The following NRXN3 variants were observed in gnomAD, a reference collection of about 807,000 sequenced individuals.
NRXN3 encodes neurexin III.
Under a neutral mutation model 137.6 loss-of-function variants are expected in NRXN3, and 32 were observed. That is an observed-to-expected ratio of 0.23 (90% CI 0.18 to 0.31). The LOEUF is 0.31. Ranked by LOEUF, NRXN3 falls within the 10% of genes least tolerant of loss-of-function variation. NRXN3 has a pLI of 1.00. For missense variants in NRXN3, 1,574 were observed against 2,062.5 expected (o/e 0.76, Z 4.59); for synonymous variants, 798 against 784.5 (o/e 1.02, Z -0.29).
intron 15 of NRXN3, among the ~76,000 whole-genome samples, chr14:79,257,443 T>TGGTGGTGGTG (rs2076822734): frequency 3.7e-5 from 1 of 26,928 alleles, no homozygotes; most frequent in Admixed American, 4.7e-4. Flanking sequence ...GTGGTGGTGG[T>TGGTGGTGGTG]AGTGATGGTG....
At chr14:78,935,711 T>A (rs1390429474) in intron 10 of NRXN3, among the ~76,000 whole-genome samples, 1 of 152,122 alleles carries the variant, frequency 6.6e-6, no homozygotes, top group Non-Finnish European at 1.5e-5. Flanking sequence ...TATCCCACCA[T>A]CTCATACTCA....
chr14:78,968,356 A>AT lies in NRXN3; in HGVS notation c.3142+17dup, dbSNP rs777275897. The AT allele has an allele frequency of 2.4e-5, 39 of 1,609,526 alleles. No individual in the cohort carries two copies. The highest frequency in any genetic ancestry group is 3.1e-5 in the Non-Finnish European group (37 of 1,177,186). On this transcript the variant is annotated intron_variant, in intron 14 of 20. Coordinates refer to ENST00000335750, the MANE Select transcript of NRXN3 (RefSeq NM_001330195.2). ...GAGCGTGGCTGTGAAGGTACAACCTATTTTTTTCTTGTTAAGCTACAGCCT... is the reference window on the plus strand; with the variant it reads ...GAGCGTGGCTGTGAAGGTACAACCTATTTTTTTTCTTGTTAAGCTACAGCCT...
At chr14:78,966,003 A>G (rs2099416765) in intron 11 of NRXN3, 22 bp from the exon 12 acceptor site, 2 of 1,605,146 alleles carry the variant, frequency 1.2e-6, no homozygotes, top group African/African-American at 2.7e-5. Flanking sequence ...TTCTGTTTGT[A>G]CCTCATTTAC....
At chr14:79,009,977 C>T (rs1329726668) in intron 15 of NRXN3, among the ~76,000 whole-genome samples, 2 of 152,144 alleles carry the variant, frequency 1.3e-5, no homozygotes, top group Non-Finnish European at 2.9e-5. Context: ...GCTTTTCTTC[C>T]TCTAATTCAA....
At chr14:79,715,046 C>T (rs937429231) in intron 19 of NRXN3, among the ~76,000 whole-genome samples, 11 of 152,116 alleles carry the variant, frequency 7.2e-5, no homozygotes, top group East Asian at 1.9e-4. Flanking sequence ...CTCTGCCTCC[C>T]AGGTTCACGC....
intron 15 of NRXN3, among the ~76,000 whole-genome samples, chr14:79,097,764 G>A (rs1047411303): frequency 6.6e-6 from 1 of 152,124 alleles, no homozygotes; most frequent in Admixed American, 6.5e-5. Context: ...TCATGTAAAT[G>A]TAGTATTCCC....
At chr14:79,238,612 C>T (rs773949537) in intron 15 of NRXN3, among the ~76,000 whole-genome samples, 15 of 152,096 alleles carry the variant, frequency 9.9e-5, no homozygotes, top group Non-Finnish European at 1.9e-4. Flanking sequence ...TACTATATTA[C>T]TAATGTATCT....
intron 6 of NRXN3, among the ~76,000 whole-genome samples, chr14:78,665,940 TTC>T (rs1311823477): frequency 6.6e-6 from 1 of 152,170 alleles, no homozygotes; most frequent in African/African-American, 2.4e-5. Flanking sequence ...TAGGTTGATT[TTC>T]TCTTTTTCTT....
chr14:79,038,305 G>A (rs1281190041), intron 15 of NRXN3, among the ~76,000 whole-genome samples: 1 of 152,052 alleles, frequency 6.6e-6, no homozygotes, highest in Non-Finnish European at 1.5e-5. Context: ...GAGATAAGCA[G>A]TTTATTCTCT....
At chr14:78,454,188 C>T (rs1445019960) in intron 4 of NRXN3, among the ~76,000 whole-genome samples, 2 of 152,068 alleles carry the variant, frequency 1.3e-5, no homozygotes, top group Admixed American at 1.3e-4. Flanking sequence ...ATCAGGGATA[C>T]GGATAAGTAA....
intron 15 of NRXN3, among the ~76,000 whole-genome samples, chr14:79,325,029 T>C (rs746099380): frequency 7.9e-5 from 12 of 152,210 alleles, no homozygotes; most frequent in Admixed American, 7.9e-4. Context: ...ACACATAAGG[T>C]CTGTATTTGT....
At chr14:78,699,645 C>T (rs140041533) in intron 6 of NRXN3, among the ~76,000 whole-genome samples, 229 of 152,140 alleles carry the variant, frequency 1.5e-3, no homozygotes, top group African/African-American at 5.4e-3. Context: ...TACCTTTTTC[C>T]CCTAATTGCA....
intron 16 of NRXN3, among the ~76,000 whole-genome samples, chr14:79,614,167 A>C (rs929319708): frequency 2.0e-5 from 3 of 152,230 alleles, no homozygotes; most frequent in African/African-American, 7.2e-5. Flanking sequence ...GCTTCAAGGC[A>C]GTTCAGCTCT....
At chr14:78,419,961 G>GCGCGCACACACACACACACA (rs1555518606) in intron 4 of NRXN3, among the ~76,000 whole-genome samples, 168 of 49,234 alleles carry the variant, frequency 3.4e-3, no homozygotes, top group Middle Eastern at 0.012. Context: ...GCGCGCGCAC[G>GCGCGCACACACACACACACA]CACACACACA....
chr14:79,512,174 C>T (rs937936259), intron 16 of NRXN3, among the ~76,000 whole-genome samples: 31 of 152,304 alleles, frequency 2.0e-4, no homozygotes, highest in African/African-American at 7.2e-5. Context: ...GCTGAAATTA[C>T]AGGCGAGAGC....
At chr14:78,729,805 G>A (rs780933749) in intron 8 of NRXN3, among the ~76,000 whole-genome samples, 1 of 152,082 alleles carries the variant, frequency 6.6e-6, no homozygotes, top group South Asian at 2.1e-4. Flanking sequence ...TTCTCTAGAC[G>A]GGGAGCCATC....
At chr14:79,378,636 A>G (rs558100243) in intron 15 of NRXN3, among the ~76,000 whole-genome samples, 1 of 152,218 alleles carries the variant, frequency 6.6e-6, no homozygotes, top group East Asian at 1.9e-4. Flanking sequence ...TTTCCCCTTT[A>G]CACTGTGAAA....
At chr14:79,743,306 C>A (rs61990358) in intron 19 of NRXN3, among the ~76,000 whole-genome samples, 53 of 152,248 alleles carry the variant, frequency 3.5e-4, no homozygotes, top group African/African-American at 1.3e-3. Flanking sequence ...TCATTTTTCC[C>A]TCATTAAAAT....
chr14:78,966,482 A>G, intron 12 of NRXN3, 76 bp downstream of exon 12: 6 of 1,465,442 alleles, frequency 4.1e-6, no homozygotes, highest in South Asian at 1.3e-5. Flanking sequence ...GGACATAAAA[A>G]TAACTTGTCT....
Sources: gnomAD v4.1 joint callset for allele counts (sites outside exome capture counted in the v4.1 genomes callset) on GRCh38, gnomAD v4.1.1 for gene constraint, MANE v1.5 for transcripts, NCBI Gene and HGNC (gene_info 2026-07-23, HGNC 2026-07-21) for gene names.